The following LDLRAD4 variants were observed in gnomAD, a reference collection of about 807,000 sequenced individuals.
The protein encoded by LDLRAD4 is low-density lipoprotein receptor class A domain-containing protein 4.
A neutral mutation model predicts 17.0 loss-of-function variants in LDLRAD4; 5 were observed. The ratio of observed to expected loss-of-function variants is 0.29; its 90% CI spans 0.15 to 0.62. The LOEUF (loss-of-function observed/expected upper bound fraction) is 0.62, where lower values mean the gene tolerates loss of function less well. Among genes scored for constraint, LDLRAD4 ranks in the 20% least tolerant of loss-of-function variants. The pLI is 0.84. For missense variants in LDLRAD4, 340 were observed against 424.7 expected (o/e 0.80, Z 1.75); for synonymous variants, 168 against 171.8 (o/e 0.98, Z 0.17).
chr18:13,334,400 G>C (rs2082008317), intron 1 of LDLRAD4, among the ~76,000 whole-genome samples: 1 of 152,066 alleles, frequency 6.6e-6, no homozygotes, highest in African/African-American at 2.4e-5. Flanking sequence ...AGCACGCCTG[G>C]CTAATTTTTT....
intron 3 of LDLRAD4, among the ~76,000 whole-genome samples, chr18:13,556,222 G>A (rs2094482093): frequency 6.6e-6 from 1 of 152,210 alleles, no homozygotes; most frequent in Non-Finnish European, 1.5e-5. Context: ...TTCTAGGAGA[G>A]TGGGGAACTT....
chr18:13,394,351 C>T (rs551217626), intron 2 of LDLRAD4, among the ~76,000 whole-genome samples: 17 of 151,920 alleles, frequency 1.1e-4, no homozygotes, highest in Non-Finnish European at 2.1e-4. Context: ...AGTCTCATGT[C>T]GAGATGTGTA....
chr18:13,292,505 A>T (rs1360746326), intron 1 of LDLRAD4, among the ~76,000 whole-genome samples: 2 of 152,218 alleles, frequency 1.3e-5, no homozygotes, highest in Non-Finnish European at 2.9e-5. Flanking sequence ...CCATGAAATG[A>T]AACATCTCCA....
Position 13,400,259 on chromosome 18 carries a change from G to T in LDLRAD4, c.40+12497G>T, listed in dbSNP as rs532633828. Among the ~76,000 whole-genome samples the T allele has an allele frequency of 3.3e-5, 5 of 152,352 alleles. No individual in the cohort carries two copies. The East Asian group carries it at 9.6e-4, about 29-fold the overall frequency. On this transcript the variant is annotated intron_variant, in intron 2 of 5. Coordinates refer to ENST00000359446, the Ensembl canonical transcript of LDLRAD4. ...GCACAGTTAGTTTATTCTTTAGCGT[G>T]GGGTAAAAGAGAGGGAATCATGCAA...
chr18:13,626,609 A>G (rs1246232453), intron 4 of LDLRAD4, among the ~76,000 whole-genome samples: 1 of 152,262 alleles, frequency 6.6e-6, no homozygotes, highest in Non-Finnish European at 1.5e-5. Flanking sequence ...TAAAAAATTA[A>G]CAAAAGGAAT....
chr18:13,556,562 G>A (rs147033156), intron 3 of LDLRAD4, among the ~76,000 whole-genome samples: 1 of 152,294 alleles, frequency 6.6e-6, no homozygotes, highest in Non-Finnish European at 1.5e-5. Context: ...ATAGACCAAG[G>A]AGAGAGAAAT....
chr18:13,476,816 C>T (rs898403984), intron 3 of LDLRAD4, among the ~76,000 whole-genome samples: 2 of 152,134 alleles, frequency 1.3e-5, no homozygotes, highest in Non-Finnish European at 2.9e-5. Context: ...TGCTTGGTGC[C>T]TGGTGAGGAC....
At chr18:13,234,747 C>A (rs1489714276) in intron 1 of LDLRAD4, among the ~76,000 whole-genome samples, 1 of 152,128 alleles carries the variant, frequency 6.6e-6, no homozygotes. Flanking sequence ...CCCGCCCCAC[C>A]CCATGGACTG....
intron 3 of LDLRAD4, chr18:13,612,780 T>G: frequency 6.2e-7 from 1 of 1,614,106 alleles, no homozygotes; most frequent in Non-Finnish European, 8.5e-7. Flanking sequence ...AAAAGGTACA[T>G]TTCCCAAGAA....
intron 3 of LDLRAD4, chr18:13,487,759 A>AG (rs1347996078): frequency 2.0e-5 from 3 of 152,416 alleles, no homozygotes; most frequent in African/African-American, 7.2e-5. Context: ...AGAGAAATGA[A>AG]GGGGGCCCTG....
chr18:13,556,924 G>T (rs2094490050), intron 3 of LDLRAD4, among the ~76,000 whole-genome samples: 1 of 152,126 alleles, frequency 6.6e-6, no homozygotes, highest in Admixed American at 6.5e-5. Flanking sequence ...TTTATAAAGG[G>T]TGATTAATAG....
intron 3 of LDLRAD4, among the ~76,000 whole-genome samples, chr18:13,534,060 G>C (rs948818022): frequency 3.3e-5 from 5 of 152,098 alleles, no homozygotes; most frequent in Non-Finnish European, 7.3e-5. Context: ...TGCTTCCTAT[G>C]AATTGTTGGA....
intron 1 of LDLRAD4, among the ~76,000 whole-genome samples, chr18:13,360,892 C>T (rs908126657): frequency 6.6e-6 from 1 of 152,182 alleles, no homozygotes; most frequent in Non-Finnish European, 1.5e-5. Flanking sequence ...CCCTTTTCTC[C>T]CCACTGATTT....
rs146175136 is a variant in LDLRAD4, at chr18:13,289,012, C to G, written c.-383+10824C>G. On this transcript the variant is annotated intron_variant, in intron 1 of 5. Transcript: ENST00000359446. ...GAAACAGCCTCATCCAAGCCCCAAG[C>G]CTTCAGGCATTTTGACATCTGGGGA... Among the ~76,000 whole-genome samples, 82 of 152,336 alleles carry G rather than the reference C, an allele frequency of 5.4e-4. 1 individual carries two copies. Among genetic ancestry groups the G allele is most frequent in the African/African-American group, 1.7e-3 (70 of 41,578 alleles).
At chr18:13,591,799 G>T (rs987235088) in intron 3 of LDLRAD4, among the ~76,000 whole-genome samples, 6 of 151,814 alleles carry the variant, frequency 4.0e-5, no homozygotes, top group Non-Finnish European at 8.8e-5. Context: ...TGTACGTGAG[G>T]CCAATAAAAA....
intron 4 of LDLRAD4, among the ~76,000 whole-genome samples, chr18:13,639,483 TGCC>T (rs2042343342): frequency 6.6e-6 from 1 of 152,214 alleles, no homozygotes; most frequent in African/African-American, 2.4e-5. Context: ...ACGGTGACCT[TGCC>T]AACAATCAGC....
At chr18:13,243,168 T>C (rs1422311197) in intron 1 of LDLRAD4, among the ~76,000 whole-genome samples, 1 of 152,242 alleles carries the variant, frequency 6.6e-6, no homozygotes, top group African/African-American at 2.4e-5. Context: ...AGCTGGACTT[T>C]CCAAGGGAGT....
intron 1 of LDLRAD4, among the ~76,000 whole-genome samples, chr18:13,256,728 A>G (rs2043523999): frequency 1.3e-5 from 2 of 152,302 alleles, no homozygotes; most frequent in South Asian, 4.2e-4. Context: ...GAGCCCTGGT[A>G]AGCTGGTGTG....
intron 3 of LDLRAD4, among the ~76,000 whole-genome samples, chr18:13,532,457 C>T (rs1028637637): frequency 1.3e-5 from 2 of 152,162 alleles, no homozygotes; most frequent in Non-Finnish European, 2.9e-5. Context: ...CAGATACAAG[C>T]GACCGCGTAG....
Sources: allele counts gnomAD v4.1 joint callset (sites outside exome capture counted in the v4.1 genomes callset), GRCh38; gene constraint gnomAD v4.1.1; transcripts MANE v1.5; gene names NCBI Gene and HGNC (gene_info 2026-07-23, HGNC 2026-07-21).